MARCHF3: variants seen among roughly 807,000 people sequenced by gnomAD.
MARCHF3 encodes the protein membrane associated ring-CH-type finger 3.
In MARCHF3, 13 loss-of-function variants were observed where a neutral mutation model predicts 24.2. The ratio of observed to expected loss-of-function variants is 0.54; its 90% CI spans 0.35 to 0.85. The LOEUF (loss-of-function observed/expected upper bound fraction) is 0.85, where lower values mean the gene tolerates loss of function less well. Among genes scored for constraint, MARCHF3 ranks in the 40% least tolerant of loss-of-function variants. The pLI, the probability that MARCHF3 is intolerant of heterozygous loss-of-function variation, is 0.01. For missense variants in MARCHF3, 276 were observed against 325.0 expected (o/e 0.85, Z 1.16); for synonymous variants, 144 against 137.3 (o/e 1.05, Z -0.34).
At chr5:126,938,260 C>T (rs960564143) in intron 1 of MARCHF3, among the ~76,000 whole-genome samples, 1 of 150,940 alleles carries the variant, frequency 6.6e-6, no homozygotes, top group Admixed American at 6.6e-5. Flanking sequence ...CTCTGCCTCC[C>T]AGGTTCAAGC....
At chr5:126,964,668 G>T (rs1304153364) in intron 1 of MARCHF3, among the ~76,000 whole-genome samples, 1 of 152,204 alleles carries the variant, frequency 6.6e-6, no homozygotes, top group Non-Finnish European at 1.5e-5. Flanking sequence ...CACAGCCTAG[G>T]CTGGGGTCCA....
intron 1 of MARCHF3, among the ~76,000 whole-genome samples, chr5:126,920,787 C>T (rs566045691): frequency 1.1e-4 from 16 of 152,192 alleles, no homozygotes; most frequent in East Asian, 9.6e-4. Context: ...GACCTAAATC[C>T]GCAATAAAAT....
intron 3 of MARCHF3, among the ~76,000 whole-genome samples, chr5:126,887,093 G>C (rs1201000733): frequency 6.6e-6 from 1 of 152,104 alleles, no homozygotes; most frequent in African/African-American, 2.4e-5. Context: ...CTATAAAGCA[G>C]CAAATCATGA....
At chr5:126,995,631 T>C (rs919618629) in intron 1 of MARCHF3, among the ~76,000 whole-genome samples, 2 of 152,250 alleles carry the variant, frequency 1.3e-5, no homozygotes, top group Admixed American at 6.5e-5. Context: ...ATCCTGGGTA[T>C]TCAAAGATTT....
rs569737842 is a variant in MARCHF3 at position 126,908,525 on chromosome 5, T to G, written c.393+6405A>C. Among the ~76,000 whole-genome samples, 12 of 152,304 alleles carry G rather than the reference T, an allele frequency of 7.9e-5. No individual in the cohort carries two copies. In the East Asian group the frequency reaches 2.3e-3, roughly 29 times the overall value. On this transcript the variant is annotated intron_variant, in intron 3 of 4. Coordinates refer to ENST00000308660, the MANE Select transcript of MARCHF3 (RefSeq NM_178450.5). ...CTTGGAGGCTTTGCTCGTTTCTTTT[T>G]ATTCTTTTTTCTCTAAACTTCCCTT... is the stretch of plus-strand genomic sequence containing the variant.
chr5:126,971,713 T>C (rs930366642), intron 1 of MARCHF3, among the ~76,000 whole-genome samples: 4 of 152,180 alleles, frequency 2.6e-5, no homozygotes, highest in African/African-American at 9.7e-5. Context: ...TTAGTGTCCA[T>C]ATGTCCACAA....
chr5:126,910,067 C>G (rs928582153), intron 3 of MARCHF3, among the ~76,000 whole-genome samples: 1 of 152,132 alleles, frequency 6.6e-6, no homozygotes, highest in Non-Finnish European at 1.5e-5. Flanking sequence ...AATAGGAATA[C>G]GGAAACTTAA....
chr5:126,907,134 G>A (rs1012926247), intron 3 of MARCHF3, among the ~76,000 whole-genome samples: 1 of 151,482 alleles, frequency 6.6e-6, no homozygotes, highest in African/African-American at 2.4e-5. Context: ...GGTTTTGAGT[G>A]AGATTCTTAA....
chr5:126,991,046 G>A (rs1025843248), intron 1 of MARCHF3, among the ~76,000 whole-genome samples: 1 of 152,116 alleles, frequency 6.6e-6, no homozygotes, highest in Non-Finnish European at 1.5e-5. Flanking sequence ...TCCCATTACC[G>A]GGTATATACC....
chr5:126,921,611 T>C (rs1349652322), intron 1 of MARCHF3, among the ~76,000 whole-genome samples: 2 of 152,236 alleles, frequency 1.3e-5, no homozygotes, highest in African/African-American at 2.4e-5. Context: ...TTGAGCTTTC[T>C]GCAAAATTTC....
intron 3 of MARCHF3, among the ~76,000 whole-genome samples, chr5:126,911,420 T>G (rs541417138): frequency 3.7e-4 from 57 of 152,174 alleles, no homozygotes; most frequent in Non-Finnish European, 6.9e-4. Flanking sequence ...GTCCCTTTAT[T>G]TCTCAGACTG....
rs1467881963 is a variant in MARCHF3 at position 126,940,924 on chromosome 5, A to G, written c.-56-22697T>C. 1.3e-5 allele frequency among the ~76,000 whole-genome samples: 2 copies of G among 152,136 alleles called. 1 individual carries two copies. The highest frequency in any genetic ancestry group is 2.9e-5 in the Non-Finnish European group (2 of 68,018). On this transcript the variant is annotated intron_variant, in intron 1 of 4. Transcript: ENST00000308660. ...CAATGGGGTATCCATCCCCTCAAGC[A>G]TTTATCTTTTGTGTTATAAACAACC...
At chr5:127,006,162 C>T (rs1240325818) in intron 1 of MARCHF3, among the ~76,000 whole-genome samples, 1 of 148,596 alleles carries the variant, frequency 6.7e-6, no homozygotes, top group African/African-American at 2.5e-5. Context: ...GAGATCGCAC[C>T]ACTGGACTCC....
intron 3 of MARCHF3, among the ~76,000 whole-genome samples, chr5:126,904,027 T>C (rs1754196900): frequency 6.9e-6 from 1 of 145,102 alleles, no homozygotes; most frequent in African/African-American, 2.6e-5. Flanking sequence ...TGTGTTCACA[T>C]TGTTCAATTC....
intron 1 of MARCHF3, among the ~76,000 whole-genome samples, chr5:126,922,207 G>C (rs1452262941): frequency 1.3e-5 from 2 of 152,182 alleles, no homozygotes; most frequent in Non-Finnish European, 2.9e-5. Flanking sequence ...GGAGAATCAT[G>C]AGTTAGGGAA....
chr5:127,004,139 A>C (rs1027607104), intron 1 of MARCHF3, among the ~76,000 whole-genome samples: 5 of 152,228 alleles, frequency 3.3e-5, no homozygotes, highest in African/African-American at 1.2e-4. Context: ...ATTCCAAAGG[A>C]GAGCCCGTCT....
chr5:127,022,087 A>G (rs1488504173), intron 1 of MARCHF3, among the ~76,000 whole-genome samples: 3 of 152,226 alleles, frequency 2.0e-5, no homozygotes, highest in South Asian at 4.1e-4. Context: ...TCAATGATAG[A>G]TAAGTGAGCG....
chr5:127,007,019 T>C (rs1752331895), intron 1 of MARCHF3, among the ~76,000 whole-genome samples: 1 of 152,144 alleles, frequency 6.6e-6, no homozygotes, highest in Non-Finnish European at 1.5e-5. Context: ...TAAAACATTT[T>C]CATAAAGTCT....
intron 1 of MARCHF3, 91 bp downstream of exon 1, chr5:127,030,259 G>C (rs1753138859): frequency 6.6e-6 from 1 of 152,214 alleles, no homozygotes; most frequent in South Asian, 2.1e-4. Flanking sequence ...TCGGACGAAC[G>C]GACCGCCGAG....
Sources: gnomAD v4.1 joint callset for allele counts (sites outside exome capture counted in the v4.1 genomes callset) on GRCh38, gnomAD v4.1.1 for gene constraint, MANE v1.5 for transcripts, NCBI Gene and HGNC (gene_info 2026-07-23, HGNC 2026-07-21) for gene names.